OCA2: variants seen among roughly 807,000 people sequenced by gnomAD.
OCA2 encodes P protein.
In OCA2, 77 loss-of-function variants were observed where a neutral mutation model predicts 100.2. The observed-to-expected ratio is 0.77, with a 90% confidence interval of 0.64 to 0.93. OCA2 has a LOEUF of 0.93. Ranked by LOEUF, OCA2 falls within the 40% of genes least tolerant of loss-of-function variation. The pLI is 0.00. For missense variants in OCA2, 1,062 were observed against 1,089.1 expected (o/e 0.98, Z 0.35); for synonymous variants, 432 against 439.2 (o/e 0.98, Z 0.21).
At chr15:28,031,360 G>C (rs1255108738) in intron 3 of OCA2, among the ~76,000 whole-genome samples, 1 of 152,204 alleles carries the variant, frequency 6.6e-6, no homozygotes, top group African/African-American at 2.4e-5. Flanking sequence ...CCAAGTTTGT[G>C]ACGTTCAAGG....
At chr15:28,019,063 GC>G (rs2042501322) in intron 6 of OCA2, among the ~76,000 whole-genome samples, 2 of 152,138 alleles carry the variant, frequency 1.3e-5, no homozygotes, top group Admixed American at 1.3e-4. Context: ...AATCTGCAGG[GC>G]CCTGGTTGGA....
chr15:27,929,099 GT>G, intron 18 of OCA2, among the ~76,000 whole-genome samples: 1 of 152,118 alleles, frequency 6.6e-6, no homozygotes, highest in East Asian at 1.9e-4. Context: ...TCCTAAGAAT[GT>G]TTTGTATAAA....
At chr15:27,739,597 C>G in the OCA2 span, among the ~76,000 whole-genome samples, 1 of 151,908 alleles carries the variant, frequency 6.6e-6, no homozygotes, top group Non-Finnish European at 1.5e-5. Flanking sequence ...AGGCGCCCAC[C>G]ACCATGCCTG....
the OCA2 span, among the ~76,000 whole-genome samples, chr15:27,729,768 C>T: frequency 6.6e-6 from 1 of 152,136 alleles, no homozygotes; most frequent in Non-Finnish European, 1.5e-5. Flanking sequence ...ATTCTGCCTA[C>T]CACCATGGAC....
chr15:28,062,583 G>C (rs185262939), intron 2 of OCA2, among the ~76,000 whole-genome samples: 40 of 152,164 alleles, frequency 2.6e-4, no homozygotes, highest in Non-Finnish European at 5.4e-4. Flanking sequence ...TCCAATTTAT[G>C]TACTTTTTTT....
intron 2 of OCA2, among the ~76,000 whole-genome samples, chr15:28,049,047 C>T (rs183256725): frequency 6.6e-6 from 1 of 152,072 alleles, no homozygotes; most frequent in African/African-American, 2.4e-5. Context: ...GAAACGACAA[C>T]CTATGGAATT....
At chr15:27,964,856 T>C (rs894868510) in intron 15 of OCA2, among the ~76,000 whole-genome samples, 4 of 152,134 alleles carry the variant, frequency 2.6e-5, no homozygotes, top group African/African-American at 7.2e-5. Context: ...AGCCCGGCCA[T>C]AGGGTTCCTG....
intron 2 of OCA2, among the ~76,000 whole-genome samples, chr15:28,057,422 A>G (rs575088823): frequency 4.5e-4 from 69 of 152,224 alleles, no homozygotes; most frequent in Admixed American, 6.5e-4. Context: ...CACTGTGAGA[A>G]GCCTCCATGC....
At chr15:28,004,399 C>T (rs2042025443) in intron 9 of OCA2, among the ~76,000 whole-genome samples, 1 of 152,226 alleles carries the variant, frequency 6.6e-6, no homozygotes, top group Non-Finnish European at 1.5e-5. Context: ...GAGCAACAGG[C>T]CGAGGCCCTG....
At chr15:28,074,845 A>G (rs1167372626) in intron 2 of OCA2, among the ~76,000 whole-genome samples, 1 of 152,224 alleles carries the variant, frequency 6.6e-6, no homozygotes, top group Non-Finnish European at 1.5e-5. Context: ...ACTCCGTCTC[A>G]AAAAAGAATA....
intron 1 of OCA2, among the ~76,000 whole-genome samples, chr15:28,095,001 G>A (rs977846319): frequency 6.6e-6 from 1 of 152,254 alleles, no homozygotes; most frequent in African/African-American, 2.4e-5. Flanking sequence ...CAGGAGCCTG[G>A]GTCACCTGCT....
intron 2 of OCA2, among the ~76,000 whole-genome samples, chr15:28,044,512 C>T (rs1469181198): frequency 6.6e-6 from 1 of 152,206 alleles, no homozygotes; most frequent in African/African-American, 2.4e-5. Flanking sequence ...AATAATAGCA[C>T]ATTTCTCTGC....
the OCA2 span, among the ~76,000 whole-genome samples, chr15:27,745,418 T>C: frequency 6.6e-6 from 1 of 152,254 alleles, no homozygotes; most frequent in African/African-American, 2.4e-5. Flanking sequence ...TTGGGATATC[T>C]GGACACTCCC....
At chr15:27,968,496 G>A (rs1251150861) in intron 14 of OCA2, among the ~76,000 whole-genome samples, 5 of 152,168 alleles carry the variant, frequency 3.3e-5, no homozygotes, top group Non-Finnish European at 7.3e-5. Context: ...CCTTCCAAAG[G>A]TCTGGGTTTG....
chr15:27,746,972 T>A, the OCA2 span, among the ~76,000 whole-genome samples: 2 of 152,238 alleles, frequency 1.3e-5, no homozygotes, highest in Admixed American at 1.3e-4. Context: ...TCCATTCAGA[T>A]GTTCCCTCCC....
intron 18 of OCA2, among the ~76,000 whole-genome samples, chr15:27,936,313 C>G (rs1401629267): frequency 6.6e-6 from 1 of 152,112 alleles, no homozygotes; most frequent in African/African-American, 2.4e-5. Flanking sequence ...TCAGAAGGAG[C>G]CGAGTGACCA....
chr15:28,072,152 G>C (rs1306985639), intron 2 of OCA2, among the ~76,000 whole-genome samples: 1 of 145,702 alleles, frequency 6.9e-6, no homozygotes, highest in Non-Finnish European at 1.5e-5. Context: ...TGGATCACCA[G>C]GTCAGGAGGT....
intron 17 of OCA2, among the ~76,000 whole-genome samples, chr15:27,952,515 C>T (rs548468998): frequency 1.3e-5 from 2 of 152,278 alleles, no homozygotes; most frequent in East Asian, 1.9e-4. Context: ...GCCATGGCTG[C>T]GTGGGGCCAG....
intron 9 of OCA2, among the ~76,000 whole-genome samples, chr15:28,012,110 A>G (rs1027623944): frequency 6.6e-6 from 1 of 152,260 alleles, no homozygotes; most frequent in African/African-American, 2.4e-5. Flanking sequence ...CAATTCAATT[A>G]GAAAATAAGC....
Sources: allele counts gnomAD v4.1 joint callset (sites outside exome capture counted in the v4.1 genomes callset), GRCh38; gene constraint gnomAD v4.1.1; transcripts MANE v1.5; gene names NCBI Gene and HGNC (gene_info 2026-07-23, HGNC 2026-07-21).